Variants in RLN1 observed in about 807,000 individuals in gnomAD.
RLN1 encodes the protein relaxin 1.
Under a neutral mutation model 7.2 loss-of-function variants are expected in RLN1, and 4 were observed. That is an observed-to-expected ratio of 0.56 (90% confidence interval 0.28 to 1.28). The LOEUF is 1.28. RLN1 is among the 50% of genes most tolerant of loss of function. The pLI, the probability that RLN1 is intolerant of heterozygous loss-of-function variation, is 0.11. For synonymous variants in RLN1, 105 were observed against 86.0 expected (o/e 1.22, Z -1.22); for missense variants, 293 against 221.1 (o/e 1.32, Z -2.06).
chr9:5,340,535 A>AAG (rs1816970651), upstream of RLN1, among the ~76,000 whole-genome samples: 1 of 152,114 alleles, frequency 6.6e-6, no homozygotes, highest in South Asian at 2.1e-4. Context: ...GAGAGAGAGA[A>AAG]AGAGAGAGAG....
At chr9:5,337,032 T>C (rs892212104) in intron 1 of RLN1, among the ~76,000 whole-genome samples, 2 of 152,084 alleles carry the variant, frequency 1.3e-5, no homozygotes, top group Non-Finnish European at 2.9e-5. Context: ...CTGTAGTATT[T>C]TGTCTTTGCC....
chr9:5,339,985 C>G (rs1028723069), upstream of RLN1: 10 of 565,982 alleles, frequency 1.8e-5, no homozygotes, highest in Middle Eastern at 4.6e-4. Flanking sequence ...GCCTCTCCGC[C>G]CTTCCTTCAT....
rs1212066018 is a variant in RLN1 at position 5,335,104 on chromosome 9, T to A, written c.*147A>T. 7 of 524,542 alleles carry A rather than the reference T, an allele frequency of 1.3e-5. No individual in the cohort carries two copies. Among genetic ancestry groups the A allele is most frequent in the Non-Finnish European group, 2.3e-5 (7 of 305,074 alleles). The allele number at this position is 524,542 out of a possible 1,614,324, so 32.5% of individuals were successfully genotyped here. On this transcript the variant is annotated 3_prime_UTR_variant, in exon 2 of 2. Transcript: ENST00000223862. ...ACAGAAACTACAATCATACAAAGAA[T>A]ATTTTCTTACACACCAAATGAAAAA...
In RLN1 at chr9:5,339,715, T is replaced by G; in HGVS notation, c.32A>C (p.Glu11Ala). Residue 11 changes from glutamate to alanine, a missense_variant, in exon 1 of 2, where the codon GAA becomes GCA. Transcript: ENST00000223862. ...AAATTGGTTCAGTAGTAAACAGAATTCTAGCAGGTGGAACAAGAACAGGCG... is the reference window on the plus strand; with the variant it reads ...AAATTGGTTCAGTAGTAAACAGAATGCTAGCAGGTGGAACAAGAACAGGCG... MPRLFLFHLL[E>A]FCLLLNQFSR... The G allele has an allele frequency of 6.2e-7, 1 of 1,610,820 alleles. No individual in the cohort carries two copies. The highest frequency in any genetic ancestry group is 8.5e-7 in the Non-Finnish European group (1 of 1,179,890).
At position 5,335,596 on chromosome 9, in the gene RLN1, TTC is replaced by T; in HGVS notation, c.212-1_212del. The T allele has an allele frequency of 2.5e-6, 4 of 1,588,182 alleles. No homozygotes were observed. The South Asian group carries it at 4.5e-5, about 18-fold the overall frequency. On this transcript the variant is annotated splice_acceptor_variant and coding_sequence_variant, in exon 2 of 2. Transcript: ENST00000223862. LOFTEE classifies it high-confidence loss of function. ...CTTTGTTGATGAAGGATGGTACAAT[TTC>T]TGTTAAGTTTAAAAAAAAAGTGTAT...
Position 5,339,780 on chromosome 9 carries a change from T to TG in RLN1, c.-35dup. 6.2e-7 allele frequency: 1 copy of TG among 1,609,596 alleles called. No homozygotes were observed. Among genetic ancestry groups the TG allele is most frequent in the Non-Finnish European group, 8.5e-7 (1 of 1,176,612 alleles). On this transcript the variant is annotated 5_prime_UTR_variant, in exon 1 of 2. Transcript: ENST00000223862. ...TGGTCTCTCCTGGAGGTCTGGGTGTTGCAGCCTTTCAGGACTGCGGCTGCT... is the reference window on the plus strand; with the variant it reads ...TGGTCTCTCCTGGAGGTCTGGGTGTTGGCAGCCTTTCAGGACTGCGGCTGCT...
rs1816883636 is a variant in RLN1 at position 5,336,019 on chromosome 9, T to C, written c.212-422A>G. Among the ~76,000 whole-genome samples the C allele has an allele frequency of 1.3e-5, 2 of 152,036 alleles. 1 individual carries two copies. The highest frequency in any genetic ancestry group is 1.3e-4 in the Admixed American group (2 of 15,256). On this transcript the variant is annotated intron_variant, in intron 1 of 1. Transcript: ENST00000223862. ...AAGCTATGATTTCTGATATTACGAG[T>C]TGTAGTAACAACGCTTGAAAAAGAT...
chr9:5,335,975 C>G (rs901404432), intron 1 of RLN1, among the ~76,000 whole-genome samples: 1 of 152,028 alleles, frequency 6.6e-6, no homozygotes, highest in African/African-American at 2.4e-5. Flanking sequence ...TCTTACTTAA[C>G]TCGTTTTCTT....
rs754676728 is a variant in RLN1, at chr9:5,335,282, C to T, written c.527G>A (p.Cys176Tyr). 12 of 1,596,962 alleles carry T rather than the reference C, an allele frequency of 7.5e-6. No homozygotes were observed. The highest frequency in any genetic ancestry group is 1.0e-5 in the Non-Finnish European group (12 of 1,175,036). ...ALFEKCCLIGCTKRSLAKYC is the reference protein window; with the variant it reads ...ALFEKCCLIGYTKRSLAKYC ...ATATTTAGCAAGAGACCTTTTGGTA[C>T]AACCAATTAGGCAACATTTCTCAAA... Residue 176 changes from cysteine (C) to tyrosine (Y), a missense_variant, in exon 2 of 2, where the codon TGT becomes TAT. Physicochemically the swap from Cys to Tyr is radical, Grantham distance 194. Transcript: ENST00000223862.
At chr9:5,335,680 C>A in intron 1 of RLN1, 83 bp from the exon 2 acceptor site, 2 of 812,916 alleles carry the variant, frequency 2.5e-6, no homozygotes. Context: ...TTTGCATACA[C>A]AAAGAAAAGA....
At position 5,334,933 on chromosome 9, in the gene RLN1, C is replaced by G. The variant is rs4742081; in HGVS notation, c.*318G>C. On this transcript the variant is annotated 3_prime_UTR_variant, in exon 2 of 2. Transcript: ENST00000223862. ...AAACATTTTGGTCCACCTCATGTAACTGTTGTTAGGTACTGTATTGTTATT... is the reference window on the plus strand; with the variant it reads ...AAACATTTTGGTCCACCTCATGTAAGTGTTGTTAGGTACTGTATTGTTATT... 51,126 of 199,806 alleles carry G rather than the reference C, an allele frequency of 0.26. 7,209 individuals are homozygous for G. The highest frequency in any genetic ancestry group is 0.41 in the East Asian group (3,416 of 8,354). The allele number at this position is 199,806 out of a possible 1,614,324, so 12.4% of individuals were successfully genotyped here.
intron 1 of RLN1, among the ~76,000 whole-genome samples, chr9:5,336,924 A>G (rs545299478): frequency 1.3e-5 from 2 of 152,114 alleles, no homozygotes; most frequent in Middle Eastern, 3.4e-3. Context: ...TTTTGTGGCA[A>G]AAGAATCAGT....
At position 5,339,682 on chromosome 9, in the gene RLN1, G is replaced by A. The variant is rs866890419; in HGVS notation, c.65C>T (p.Ala22Val). 4 of 1,613,176 alleles carry A rather than the reference G, an allele frequency of 2.5e-6. No individual in the cohort carries two copies. The highest frequency in any genetic ancestry group is 1.4e-5 in the African/African-American group (1 of 74,056). ...FCLLLNQFSR[A>V]VAAKWKDDVI... ...ATCGTCCTTCCATTTGGCCGCGACTGCTCTGGAAAATTGGTTCAGTAGTAA... is the reference window on the plus strand; with the variant it reads ...ATCGTCCTTCCATTTGGCCGCGACTACTCTGGAAAATTGGTTCAGTAGTAA... Residue 22 changes from alanine to valine, a missense_variant, in exon 1 of 2, where the codon GCA (alanine) becomes GTA (valine). Physicochemically the swap from Ala to Val is moderately conservative, Grantham distance 64. Coordinates refer to ENST00000223862, the MANE Select transcript of RLN1 (RefSeq NM_006911.4).
rs1235088508 is a variant in RLN1 at position 5,335,285 on chromosome 9, C to A, written c.524G>T (p.Gly175Val). 6.3e-7 allele frequency: 1 copy of A among 1,598,432 alleles called. No homozygotes were observed. The highest frequency in any genetic ancestry group is 8.5e-7 in the Non-Finnish European group (1 of 1,175,668). The change falls in exon 2 of 2, where the codon GGT becomes GTT. Residue 175 changes from glycine to valine, a missense_variant. Transcript: ENST00000223862. ...VALFEKCCLI[G>V]CTKRSLAKYC ...TTTAGCAAGAGACCTTTTGGTACAA[C>A]CAATTAGGCAACATTTCTCAAACAG...
At chr9:5,337,173 A>G (rs1328551281) in intron 1 of RLN1, among the ~76,000 whole-genome samples, 1 of 151,958 alleles carries the variant, frequency 6.6e-6, no homozygotes, top group Admixed American at 6.6e-5. Context: ...ATTTCCTCAT[A>G]AAAACGTCTC....
chr9:5,339,521 GGC>G lies in RLN1; in HGVS notation c.211+13_211+14del. ...GGGAAGCGCGGGAAGGCCGGGAGGG[GGC>G]GGGAGCTCTCACCTGCCACTGGTCT... is the stretch of plus-strand genomic sequence containing the variant. On this transcript the variant is annotated intron_variant, in intron 1 of 1. Transcript: ENST00000223862. The G allele has an allele frequency of 2.0e-6, 3 of 1,531,738 alleles. No individual in the cohort carries two copies. Among genetic ancestry groups the G allele is most frequent in the African/African-American group, 3.1e-5 (2 of 63,652 alleles). The allele number at this position is 1,531,738 out of a possible 1,614,324, so 94.9% of individuals were successfully genotyped here. A position where few individuals can be genotyped will look rare whatever the true frequency, so the allele number is the denominator to read the frequency against.
chr9:5,335,461 T>C lies in RLN1; in HGVS notation c.348A>G (p.Val116=), dbSNP rs1316641011. 4 of 1,613,622 alleles carry C rather than the reference T, an allele frequency of 2.5e-6. No homozygotes were observed. The East Asian group carries it at 6.7e-5, about 27-fold the overall frequency. Residue 116 remains valine (V), a synonymous_variant, in exon 2 of 2, where the codon GTA becomes GTG. Transcript: ENST00000223862. ...QPSLPELQQY[V]PALKDSNLSF... Reference sequence around the variant, plus strand: ...TAAGATTGGAATCCTTTAATGCAGGTACATACTGCTGTAGCTCTGGTAATG... The same window carrying C: ...TAAGATTGGAATCCTTTAATGCAGGCACATACTGCTGTAGCTCTGGTAATG...
Position 5,335,399 on chromosome 9 carries a change from T to C in RLN1, c.410A>G (p.Gln137Arg). The C allele has an allele frequency of 6.2e-7, 1 of 1,613,756 alleles. No individual in the cohort carries two copies. The highest frequency in any genetic ancestry group is 8.5e-7 in the Non-Finnish European group (1 of 1,179,816). The change falls in exon 2 of 2, where the codon CAA becomes CGA. Residue 137 changes from glutamine (Q) to arginine (R), a missense_variant. Coordinates refer to ENST00000223862, the MANE Select transcript of RLN1 (RefSeq NM_006911.4). ...EEFKKLIRNR[Q>R]SEAADSNPSE... is the part of the protein sequence containing the mutation. The stretch of plus-strand genomic sequence containing the variant: ...AGGATTGCTGTCTGCGGCTTCACTT[T>C]GCCTATTGCGAATAAGTTTCTTAAA...
chr9:5,340,025 A>G (rs1466885571), upstream of RLN1, among the ~76,000 whole-genome samples: 2 of 151,970 alleles, frequency 1.3e-5, no homozygotes, highest in East Asian at 3.9e-4. Flanking sequence ...TGGCCCTTTT[A>G]CAGTTTTGTT....
Sources: gnomAD v4.1 joint callset for allele counts (sites outside exome capture counted in the v4.1 genomes callset) on GRCh38, gnomAD v4.1.1 for gene constraint, MANE v1.5 for transcripts, NCBI Gene and HGNC (gene_info 2026-07-23, HGNC 2026-07-21) for gene names.